The following GXYLT2 variants were observed in gnomAD, a reference collection of about 807,000 sequenced individuals.
GXYLT2 encodes the protein glycosyltransferase 8 domain containing 4.
In GXYLT2, 53 loss-of-function variants were observed where a neutral mutation model predicts 45.8. The observed-to-expected ratio is 1.16, with a 90% CI of 0.93 to 1.46. GXYLT2 has a LOEUF of 1.46. Among genes scored for constraint, GXYLT2 ranks in the 40% most tolerant of loss-of-function variants. GXYLT2 has a pLI of 0.00. For missense variants in GXYLT2, 551 were observed against 544.4 expected (o/e 1.01, Z -0.12); for synonymous variants, 219 against 214.2 (o/e 1.02, Z -0.19).
chr3:72,909,403 ATGTT>A (rs1159026966), intron 2 of GXYLT2, among the ~76,000 whole-genome samples: 3 of 151,636 alleles, frequency 2.0e-5, no homozygotes, highest in African/African-American at 2.4e-5. Flanking sequence ...TTGTCTGTCT[ATGTT>A]TGTACATATA....
At chr3:72,965,288 C>T (rs968214452) in intron 5 of GXYLT2, among the ~76,000 whole-genome samples, 3 of 152,194 alleles carry the variant, frequency 2.0e-5, no homozygotes, top group African/African-American at 7.2e-5. Context: ...GTGACAATCA[C>T]TTCATTATTT....
At chr3:72,941,184 C>T (rs1710291461) in intron 3 of GXYLT2, among the ~76,000 whole-genome samples, 1 of 152,132 alleles carries the variant, frequency 6.6e-6, no homozygotes, top group African/African-American at 2.4e-5. Context: ...ATAAAGGTGG[C>T]AATGATAATA....
At chr3:72,895,947 A>T (rs900400619) in intron 1 of GXYLT2, among the ~76,000 whole-genome samples, 1 of 152,230 alleles carries the variant, frequency 6.6e-6, no homozygotes, top group African/African-American at 2.4e-5. Flanking sequence ...TAGAGAATAC[A>T]TAATCCAAAA....
At chr3:72,929,202 A>G (rs1157075162) in intron 3 of GXYLT2, 1 of 1,586,372 alleles carries the variant, frequency 6.3e-7, no homozygotes, top group Non-Finnish European at 8.6e-7. Context: ...AACTTTGCCA[A>G]ATACTTTCTT....
chr3:72,944,328 T>C (rs960871493), intron 3 of GXYLT2, among the ~76,000 whole-genome samples: 4 of 151,616 alleles, frequency 2.6e-5, no homozygotes, highest in Non-Finnish European at 5.9e-5. Context: ...AATCTCAGTT[T>C]ACTGCAACCT....
intron 6 of GXYLT2, among the ~76,000 whole-genome samples, chr3:72,969,182 G>A (rs920002162): frequency 1.3e-5 from 2 of 151,936 alleles, no homozygotes; most frequent in African/African-American, 4.8e-5. Context: ...GCTGTCTGGA[G>A]CCCTTTATGC....
intron 3 of GXYLT2, among the ~76,000 whole-genome samples, chr3:72,936,385 G>A (rs1199841887): frequency 6.6e-6 from 1 of 152,030 alleles, no homozygotes; most frequent in Non-Finnish European, 1.5e-5. Context: ...CCAGCACAGT[G>A]GCTCATGCCT....
intron 3 of GXYLT2, among the ~76,000 whole-genome samples, chr3:72,943,948 T>C (rs1228328002): frequency 6.6e-6 from 1 of 151,980 alleles, no homozygotes; most frequent in East Asian, 1.9e-4. Context: ...CCTTCCAAAG[T>C]GCTGGGATTA....
chr3:72,969,107 G>A (rs949608619), intron 6 of GXYLT2, among the ~76,000 whole-genome samples: 4 of 151,704 alleles, frequency 2.6e-5, no homozygotes, highest in Non-Finnish European at 5.9e-5. Flanking sequence ...TTATGGACTC[G>A]TGGGCTAGGG....
chr3:72,923,735 A>G (rs1217280163), intron 3 of GXYLT2, among the ~76,000 whole-genome samples: 1 of 152,158 alleles, frequency 6.6e-6, no homozygotes, highest in Non-Finnish European at 1.5e-5. Flanking sequence ...AATCTCATGG[A>G]TGTATGTAAC....
intron 5 of GXYLT2, among the ~76,000 whole-genome samples, chr3:72,960,489 C>G (rs915367718): frequency 3.3e-5 from 5 of 152,228 alleles, no homozygotes; most frequent in African/African-American, 1.2e-4. Flanking sequence ...TGCTTCTTCA[C>G]TCTCCATCTG....
intron 3 of GXYLT2, among the ~76,000 whole-genome samples, chr3:72,939,679 C>T (rs1575802313): frequency 4.9e-5 from 6 of 123,280 alleles, no homozygotes; most frequent in Admixed American, 9.5e-5. Flanking sequence ...GTAGTCTTTT[C>T]TTTCCTTTTT....
chr3:72,928,823 T>C (rs926987938), intron 3 of GXYLT2, among the ~76,000 whole-genome samples: 7 of 152,234 alleles, frequency 4.6e-5, no homozygotes, highest in Admixed American at 1.3e-4. Flanking sequence ...TAAAATGCTC[T>C]ATTAGAAAAT....
At chr3:72,927,499 T>A (rs1251382935) in intron 3 of GXYLT2, among the ~76,000 whole-genome samples, 1 of 152,200 alleles carries the variant, frequency 6.6e-6, no homozygotes. Flanking sequence ...TGTAGGCTAA[T>A]GGAAAAAGGA....
chr3:72,930,592 C>CTTTTTTTTTTTTTTTTTTTTTTTTTTTTT (rs71126806), intron 3 of GXYLT2, among the ~76,000 whole-genome samples: 1 of 101,612 alleles, frequency 9.8e-6, no homozygotes. Context: ...TCTTCTTCTT[C>CTTTTTTTTTTTTTTTTTTTTTTTTTTTTT]TTTTTTTTTT....
At chr3:72,905,904 C>T (rs1164482961) in intron 1 of GXYLT2, among the ~76,000 whole-genome samples, 1 of 152,130 alleles carries the variant, frequency 6.6e-6, no homozygotes, top group African/African-American at 2.4e-5. Flanking sequence ...AACTTGTTAT[C>T]CTTGGCAGAA....
At chr3:72,893,720 C>G (rs1331911907) in intron 1 of GXYLT2, among the ~76,000 whole-genome samples, 1 of 152,164 alleles carries the variant, frequency 6.6e-6, no homozygotes, top group Non-Finnish European at 1.5e-5. Flanking sequence ...TCCTTATTAT[C>G]TAATAATATT....
intron 2 of GXYLT2, among the ~76,000 whole-genome samples, chr3:72,911,976 CATGTGTGTGTGTGTGTGT>C (rs1709633702): frequency 8.5e-6 from 1 of 118,218 alleles, no homozygotes; most frequent in Non-Finnish European, 1.7e-5. Flanking sequence ...TGTGTGTGTG[CATGTGTGTGTGTGTGTGT>C]ATATATATAT....
At chr3:72,953,349 G>A (rs1340263513) in intron 3 of GXYLT2, among the ~76,000 whole-genome samples, 3 of 152,074 alleles carry the variant, frequency 2.0e-5, no homozygotes, top group African/African-American at 7.2e-5. Flanking sequence ...GAGTGCAGTG[G>A]TGTGATCTTG....
Sources: gnomAD v4.1 joint callset for allele counts (sites outside exome capture counted in the v4.1 genomes callset) on GRCh38, gnomAD v4.1.1 for gene constraint, MANE v1.5 for transcripts, NCBI Gene and HGNC (gene_info 2026-07-23, HGNC 2026-07-21) for gene names.